The following MCF2L variants were observed in gnomAD, a reference collection of about 807,000 sequenced individuals.
MCF2L encodes the protein MCF.2 cell line derived transforming sequence like.
A neutral mutation model predicts 153.4 loss-of-function variants in MCF2L; 97 were observed. The observed-to-expected ratio is 0.63, with a 90% CI of 0.54 to 0.75. The LOEUF is 0.75. Ranked by LOEUF, MCF2L falls within the 30% of genes least tolerant of loss-of-function variation. MCF2L has a pLI of 0.00. For missense variants in MCF2L, 1,347 were observed against 1,495.2 expected (o/e 0.90, Z 1.64); for synonymous variants, 659 against 632.2 (o/e 1.04, Z -0.64).
At chr13:113,078,341 C>T in intron 13 of MCF2L, 22 bp from the exon 14 acceptor site, 1 of 1,601,772 alleles carries the variant, frequency 6.2e-7, no homozygotes, top group Non-Finnish European at 8.5e-7. Context: ...ACTTCATGCC[C>T]CGCTCCCCTT....
rs2032816462 is a variant in MCF2L at position 113,070,626 on chromosome 13, C to T, written c.996+453C>T. Among the ~76,000 whole-genome samples the T allele has an allele frequency of 6.6e-6, 1 of 152,204 alleles. No individual in the cohort carries two copies. The highest frequency in any genetic ancestry group is 1.5e-5 in the Non-Finnish European group (1 of 68,050). On this transcript the variant is annotated intron_variant, in intron 9 of 29. Transcript: ENST00000535094. The surrounding 1 kb of genome is among the most constrained non-coding windows in gnomAD (Gnocchi z 5.6). ...GGCCCTTCGTGGACTCACCCATGTC[C>T]CTCCTCAGCCCCCGGCAACCACTCA...
chr13:112,916,498 A>C (rs1471193714), intron 2 of MCF2L, among the ~76,000 whole-genome samples: 1 of 152,092 alleles, frequency 6.6e-6, no homozygotes, highest in African/African-American at 2.4e-5. Context: ...CGCGTGCCTC[A>C]CCTGTGAGGT....
rs868599962 is a variant in MCF2L at position 113,096,797 on chromosome 13, C to A, written c.3316C>A (p.Leu1106Met). ...AGAGTCGAGCCCGGGGTCGGCCGTG[C>A]TGAGCAACTCGTCCAGCTGCAGCGA... ...SSESSPGSAV[L>M]SNSSSCSEGG... The change falls in exon 30 of 30, where the codon CTG becomes ATG. Residue 1106 changes from leucine to methionine, a missense_variant. Coordinates refer to ENST00000535094, the MANE Select transcript of MCF2L (RefSeq NM_001112732.3). The A allele has an allele frequency of 6.4e-7, 1 of 1,559,822 alleles. No homozygotes were observed. Among genetic ancestry groups the A allele is most frequent in the Non-Finnish European group, 8.6e-7 (1 of 1,163,064 alleles).
At chr13:112,944,524 G>A (rs1432244995) in intron 2 of MCF2L, among the ~76,000 whole-genome samples, 1 of 151,338 alleles carries the variant, frequency 6.6e-6, no homozygotes, top group Non-Finnish European at 1.5e-5. Context: ...GTGCTAAGCC[G>A]CAGAAGAGCT....
chr13:113,011,316 G>T (rs1249264726), intron 1 of MCF2L, among the ~76,000 whole-genome samples: 6 of 152,260 alleles, frequency 3.9e-5, no homozygotes, highest in Non-Finnish European at 8.8e-5. Context: ...CCAAAATGAG[G>T]CATTTGATCT....
At chr13:112,938,120 G>GTTGGTTCAGGTGAGCGCTGAGGGA in intron 2 of MCF2L, among the ~76,000 whole-genome samples, 1 of 150,350 alleles carries the variant, frequency 6.7e-6, no homozygotes, top group African/African-American at 2.4e-5. Flanking sequence ...GCGCTGAGGG[G>GTTGGTTCAGGTGAGCGCTGAGGGA]TTGGTTCAGG....
chr13:113,097,853 A>G lies in MCF2L; in HGVS notation c.*994A>G, dbSNP rs1163879286. 1.3e-5 allele frequency: 2 copies of G among 151,400 alleles called. No individual in the cohort carries two copies. Among genetic ancestry groups the G allele is most frequent in the Non-Finnish European group, 2.9e-5 (2 of 67,880 alleles). The allele number at this position is 151,400 out of a possible 1,614,324, so 9.4% of individuals were successfully genotyped here. ...TCCTCGGAGGCCGCACCTCCACTCC[A>G]CTCCCCACGCGCCCCCTGCCTCCCA... On this transcript the variant is annotated 3_prime_UTR_variant, in exon 30 of 30. Coordinates refer to ENST00000535094, the MANE Select transcript of MCF2L (RefSeq NM_001112732.3).
chr13:113,047,862 A>ATG (rs1271811642), intron 4 of MCF2L, among the ~76,000 whole-genome samples: 112 of 151,806 alleles, frequency 7.4e-4, no homozygotes, highest in African/African-American at 2.5e-3. Flanking sequence ...ACGCCTCACT[A>ATG]CGCGTGCCCC....
At chr13:112,946,286 A>T (rs1594367521) in intron 2 of MCF2L, among the ~76,000 whole-genome samples, 3 of 50,874 alleles carry the variant, frequency 5.9e-5, no homozygotes. Context: ...CCTTTCTGAT[A>T]AAAAAAAAAA....
chr13:113,082,596 G>T lies in MCF2L; in HGVS notation c.1991+54G>T, dbSNP rs78339639. On this transcript the variant is annotated intron_variant, in intron 17 of 29. Coordinates refer to ENST00000535094, the MANE Select transcript of MCF2L (RefSeq NM_001112732.3). Reference sequence around the variant, plus strand: ...CACCCGTGATCTCTTGCAGCTAATGGTGCTGGCTTCAGGGGGCTGGAATGG... The same window carrying T: ...CACCCGTGATCTCTTGCAGCTAATGTTGCTGGCTTCAGGGGGCTGGAATGG... The T allele has an allele frequency of 3.0e-6, 4 of 1,325,362 alleles. No individual in the cohort carries two copies. The South Asian group carries it at 3.7e-5, about 12-fold the overall frequency. The allele number at this position is 1,325,362 out of a possible 1,614,324, so 82.1% of individuals were successfully genotyped here.
chr13:112,916,015 G>A (rs1057430246), intron 2 of MCF2L, among the ~76,000 whole-genome samples: 2 of 151,316 alleles, frequency 1.3e-5, no homozygotes, highest in African/African-American at 4.9e-5. Flanking sequence ...TGGTTAACAC[G>A]GTGAAACCCC....
At chr13:113,036,056 A>G (rs1318834135) in intron 3 of MCF2L, among the ~76,000 whole-genome samples, 1 of 152,128 alleles carries the variant, frequency 6.6e-6, no homozygotes, top group East Asian at 1.9e-4. Flanking sequence ...CACAAACAAC[A>G]CTGCTGCAGT....
chr13:112,954,079 G>A (rs889163423), intron 2 of MCF2L, among the ~76,000 whole-genome samples: 2 of 152,220 alleles, frequency 1.3e-5, no homozygotes, highest in African/African-American at 2.4e-5. Flanking sequence ...GTTGCGAAGT[G>A]AGGTGAGGCC....
At chr13:113,005,870 T>C (rs1360655918) in intron 1 of MCF2L, among the ~76,000 whole-genome samples, 1 of 152,206 alleles carries the variant, frequency 6.6e-6, no homozygotes, top group African/African-American at 2.4e-5. Context: ...TTTTTCTCAA[T>C]ATAGCTGGAA....
At chr13:112,900,582 G>A (rs915099810) in intron 1 of MCF2L, among the ~76,000 whole-genome samples, 2 of 152,188 alleles carry the variant, frequency 1.3e-5, no homozygotes, top group Non-Finnish European at 2.9e-5. Context: ...ACACCAAGGG[G>A]TGAGTGTGTT....
chr13:112,911,654 C>G (rs549421765), intron 2 of MCF2L, among the ~76,000 whole-genome samples: 2 of 152,384 alleles, frequency 1.3e-5, no homozygotes, highest in South Asian at 2.1e-4. Flanking sequence ...CCGGCACCCC[C>G]TTCTGTGTTC....
chr13:113,044,628 T>G, intron 3 of MCF2L: 19 of 1,598,582 alleles, frequency 1.2e-5, no homozygotes, highest in Non-Finnish European at 1.6e-5. Context: ...GGAAGAGGGC[T>G]CTCCGCACCG....
intron 1 of MCF2L, among the ~76,000 whole-genome samples, chr13:113,003,220 G>A (rs1266014300): frequency 7.2e-5 from 11 of 152,174 alleles, no homozygotes; most frequent in Non-Finnish European, 1.6e-4. Context: ...ACTGGGGAAG[G>A]CTCCAGGGTA....
intron 2 of MCF2L, among the ~76,000 whole-genome samples, chr13:113,019,355 G>A (rs933515791): frequency 6.6e-6 from 1 of 152,176 alleles, no homozygotes; most frequent in Admixed American, 6.5e-5. Flanking sequence ...ACCAAGGCCC[G>A]ACGGCTGCTC....
Sources: gnomAD v4.1 joint callset for allele counts (sites outside exome capture counted in the v4.1 genomes callset) on GRCh38, gnomAD v4.1.1 for gene constraint, Gnocchi (gnomAD v3.1) non-coding constraint, MANE v1.5 for transcripts, NCBI Gene and HGNC (gene_info 2026-07-23, HGNC 2026-07-21) for gene names.